DNASE1: variants seen among roughly 807,000 people sequenced by gnomAD.
The protein encoded by DNASE1 is deoxyribonuclease 1.
A neutral mutation model predicts 33.9 loss-of-function variants in DNASE1; 40 were observed. The observed-to-expected ratio is 1.18, with a 90% CI of 0.92 to 1.54. DNASE1 has a LOEUF of 1.54. Among genes scored for constraint, DNASE1 ranks in the 40% most tolerant of loss-of-function variants. The pLI, the probability that DNASE1 is intolerant of heterozygous loss-of-function variation, is 0.00. For synonymous variants in DNASE1, 216 were observed against 160.0 expected (o/e 1.35, Z -2.64); for missense variants, 518 against 372.6 (o/e 1.39, Z -3.21).
rs764966194 is a variant in DNASE1 at position 3,657,909 on chromosome 16, C to T, written c.805C>T (p.Gln269Ter). 7 of 1,614,002 alleles carry T rather than the reference C, an allele frequency of 4.3e-6. No individual in the cohort carries two copies. The South Asian group carries it at 5.5e-5, about 13-fold the overall frequency. Residue 269 changes from glutamine to a stop codon, truncating the protein, a stop_gained, in exon 9 of 9, where the codon CAA becomes TAA. Coordinates refer to ENST00000246949, the MANE Select transcript of DNASE1 (RefSeq NM_005223.4). LOFTEE classifies it high-confidence loss of function. ...CCCTGTGCCCACTTGCCTGCAGGCC[C>T]AAGCCATCAGTGACCACTATCCAGT... Reference protein sequence around the residue: ...AAYGLSDQLAQAISDHYPVEV... With the variant: ...AAYGLSDQLA
At chr16:3,661,934 C>T (rs1228276190), downstream of DNASE1, 2 of 1,533,358 alleles carry the variant, frequency 1.3e-6, no homozygotes, top group African/African-American at 1.4e-5. Context: ...GAACACCACA[C>T]ACAGGATTCT....
intron 1 of DNASE1, among the ~76,000 whole-genome samples, chr16:3,619,131 C>G (rs1178112447): frequency 6.6e-6 from 1 of 151,952 alleles, no homozygotes; most frequent in Non-Finnish European, 1.5e-5. Context: ...ACATCCCAGG[C>G]TCAAGTGATC....
At position 3,664,236 on chromosome 16, in the gene DNASE1, G is replaced by T. The variant is rs536877144; in HGVS notation, c.*6283G>T. 1.4e-5 allele frequency: 21 copies of T among 1,503,358 alleles called. 1 individual carries two copies. The highest frequency in any genetic ancestry group is 1.8e-5 in the Non-Finnish European group (20 of 1,127,380). The allele number at this position is 1,503,358 out of a possible 1,614,324, so 93.1% of individuals were successfully genotyped here. A position where few individuals can be genotyped will look rare whatever the true frequency, so the allele number is the denominator to read the frequency against. ...AGAAGGTCAAGACCCTCCCCAGGTT[G>T]CAGCCCCCGGAGCCCGCCCCACCCA... On this transcript the variant is annotated 3_prime_UTR_variant, in exon 10 of 10. Coordinates refer to the DNASE1 transcript ENST00000407479.
upstream of DNASE1, among the ~76,000 whole-genome samples, chr16:3,650,238 G>A (rs932072618): frequency 1.8e-4 from 27 of 152,228 alleles, no homozygotes; most frequent in East Asian, 1.5e-3. Context: ...CTCTAGCATC[G>A]TCTAAATCTG....
chr16:3,625,879 C>T (rs1274257775), intron 1 of DNASE1, among the ~76,000 whole-genome samples: 3 of 152,182 alleles, frequency 2.0e-5, no homozygotes, highest in Non-Finnish European at 4.4e-5. Context: ...GCAGAAGGAT[C>T]GCTTTAGCCC....
exon 10 of DNASE1, chr16:3,663,316 G>A (rs1290357203): frequency 2.7e-6 from 4 of 1,465,156 alleles, no homozygotes; most frequent in African/African-American, 2.8e-5. Context: ...GGGGGTGGCT[G>A]AGCCCAGGTC....
chr16:3,649,212 A>C lies in DNASE1; in HGVS notation c.-85-5749A>C, dbSNP rs185664955. On this transcript the variant is annotated intron_variant, in intron 1 of 9. Coordinates refer to the DNASE1 transcript ENST00000407479. ...ATCAGGGCTGAGATTAGGGACGGCA[A>C]AATGGTGACTTTCAGGTCTAGCATT... Among the ~76,000 whole-genome samples the C allele has an allele frequency of 4.5e-3, 684 of 152,346 alleles. 1 individual carries two copies. The highest frequency in any genetic ancestry group is 7.6e-3 in the Admixed American group (116 of 15,302).
intron 1 of DNASE1, among the ~76,000 whole-genome samples, chr16:3,633,837 C>T (rs1321995509): frequency 6.6e-6 from 1 of 152,020 alleles, no homozygotes; most frequent in Non-Finnish European, 1.5e-5. Context: ...AAGACCGAGT[C>T]TCGCTCTGTC....
Position 3,657,816 on chromosome 16 carries a change from G to A in DNASE1, c.801G>A (p.Leu267=), listed in dbSNP as rs145084753. ...FQAAYGLSDQ[L]AQAISDHYPV... is the part of the protein sequence containing the mutation. Reference sequence around the variant, plus strand: ...CTGCCTATGGCCTGAGTGACCAACTGGTATGTGTCCTCCCTTGCACAGCCA... The same window carrying A: ...CTGCCTATGGCCTGAGTGACCAACTAGTATGTGTCCTCCCTTGCACAGCCA... The change falls in exon 8 of 9, where the codon CTG becomes CTA. Residue 267 remains leucine, a splice_region_variant and synonymous_variant. Coordinates refer to ENST00000246949, the MANE Select transcript of DNASE1 (RefSeq NM_005223.4). The A allele has an allele frequency of 3.7e-6, 6 of 1,613,980 alleles. No homozygotes were observed. Among genetic ancestry groups the A allele is most frequent in the Admixed American group, 3.3e-5 (2 of 60,012 alleles).
intron 1 of DNASE1, among the ~76,000 whole-genome samples, chr16:3,619,889 A>G (rs2041244444): frequency 6.6e-6 from 1 of 151,874 alleles, no homozygotes; most frequent in African/African-American, 2.4e-5. Flanking sequence ...GGTTATAAAT[A>G]TAACGAAAAT....
At chr16:3,663,711 G>T in exon 10 of DNASE1, 1 of 910,606 alleles carries the variant, frequency 1.1e-6, no homozygotes, top group South Asian at 1.7e-5. Flanking sequence ...CTGCATGACA[G>T]TTACTACGAC....
intron 1 of DNASE1, among the ~76,000 whole-genome samples, chr16:3,631,547 C>G (rs147735544): frequency 6.7e-6 from 1 of 149,210 alleles, no homozygotes. Flanking sequence ...TAAATTGAGA[C>G]GGAGTCTCGC....
intron 1 of DNASE1, among the ~76,000 whole-genome samples, chr16:3,631,991 C>G (rs2041715216): frequency 1.3e-5 from 2 of 152,156 alleles, no homozygotes; most frequent in South Asian, 4.1e-4. Context: ...CAGTAACATG[C>G]AAAAATTCTG....
intron 1 of DNASE1, 60 bp downstream of exon 1, chr16:3,655,104 TAG>T: frequency 5.0e-6 from 3 of 595,920 alleles, no homozygotes; most frequent in Non-Finnish European, 8.9e-6. Flanking sequence ...GAGGGAGGCT[TAG>T]AGTCTCATCC....
At chr16:3,660,428 C>T (rs973007035), downstream of DNASE1, 2 of 152,220 alleles carry the variant, frequency 1.3e-5, no homozygotes, top group African/African-American at 4.8e-5. Context: ...TCTGATGGCG[C>T]CACTGGTACA....
In DNASE1 at chr16:3,657,752, C is replaced by G. The variant is rs778073664; in HGVS notation, c.737C>G (p.Ala246Gly). ...GTTGCAGGGATGCTGCTCCGAGGCG[C>G]CGTTGTTCCCGACTCGGCTCTTCCC... The part of the protein sequence containing the change: ...IVVAGMLLRG[A>G]VVPDSALPFN... The change falls in exon 8 of 9, where the codon GCC becomes GGC. Residue 246 changes from alanine (A) to glycine (G), a missense_variant. By Grantham distance (60) the Ala-to-Gly change is moderately conservative. Coordinates refer to ENST00000246949, the MANE Select transcript of DNASE1 (RefSeq NM_005223.4). 2 of 1,613,800 alleles carry G rather than the reference C, an allele frequency of 1.2e-6. No individual in the cohort carries two copies. Among genetic ancestry groups the G allele is most frequent in the Admixed American group, 1.7e-5 (1 of 59,998 alleles).
upstream of DNASE1, among the ~76,000 whole-genome samples, chr16:3,650,455 T>C (rs1312307844): frequency 6.6e-6 from 1 of 152,166 alleles, no homozygotes; most frequent in African/African-American, 2.4e-5. Flanking sequence ...TTGGCCCCAA[T>C]GAGCTATTTG....
At chr16:3,623,029 T>C (rs768309302) in intron 1 of DNASE1, among the ~76,000 whole-genome samples, 2 of 152,180 alleles carry the variant, frequency 1.3e-5, no homozygotes, top group Non-Finnish European at 2.9e-5. Context: ...CCATCTCTAA[T>C]GTACCTGCCC....
upstream of DNASE1, chr16:3,654,242 A>G (rs1027907491): frequency 1.8e-5 from 7 of 397,662 alleles, no homozygotes; most frequent in South Asian, 1.4e-4. Context: ...CCTATTGTCT[A>G]CCTCAAGAAG....
Sources: allele counts gnomAD v4.1 joint callset (sites outside exome capture counted in the v4.1 genomes callset), GRCh38; gene constraint gnomAD v4.1.1; transcripts MANE v1.5; gene names NCBI Gene and HGNC (gene_info 2026-07-23, HGNC 2026-07-21).